FGF7: variants seen among roughly 807,000 people sequenced by gnomAD.
FGF7 encodes fibroblast growth factor 7.
FGF7 carries 6 observed loss-of-function variants against 20.5 expected under a neutral mutation model. The ratio of observed to expected loss-of-function variants is 0.29; its 90% CI spans 0.16 to 0.58. The LOEUF (loss-of-function observed/expected upper bound fraction) is 0.58. FGF7 is among the 20% of genes least tolerant of loss of function. The pLI, the probability that FGF7 is intolerant of heterozygous loss-of-function variation, is 0.90. For missense variants in FGF7, 144 were observed against 228.8 expected (o/e 0.63, Z 2.39); for synonymous variants, 64 against 74.7 (o/e 0.86, Z 0.74).
Position 49,424,384 on chromosome 15 carries a change from T to G in FGF7, c.87T>G (p.Ser29=). ...TTATCTGTCTAGTGGGTACTATATC[T>G]TTAGCTTGCAATGACATGACTCCAG... ...FHIICLVGTI[S]LACNDMTPEQ... is the part of the protein sequence containing the mutation. The change falls in exon 2 of 4, where the codon TCT becomes TCG. Residue 29 remains serine, a synonymous_variant. Transcript: ENST00000267843. The G allele has an allele frequency of 6.2e-7, 1 of 1,613,702 alleles. No homozygotes were observed. Among genetic ancestry groups the G allele is most frequent in the Non-Finnish European group, 8.5e-7 (1 of 1,179,716 alleles).
chr15:49,457,902 C>T (rs1429484902), intron 2 of FGF7, among the ~76,000 whole-genome samples: 1 of 151,832 alleles, frequency 6.6e-6, no homozygotes, highest in Non-Finnish European at 1.5e-5. Flanking sequence ...CTAATTTTAG[C>T]ACAAGTTAAA....
chr15:49,479,910 C>T lies in FGF7; in HGVS notation c.287-3241C>T, dbSNP rs373065506. On this transcript the variant is annotated intron_variant, in intron 2 of 3. Transcript: ENST00000267843. ...ATTACAGGCGTGAGCCACTGCGCTC[C>T]GCCCATAGTTAACACTTCTATAAAT... 1.4e-4 allele frequency among the ~76,000 whole-genome samples: 22 copies of T among 152,106 alleles called. No individual in the cohort carries two copies. The South Asian group carries it at 2.5e-3, about 17-fold the overall frequency.
chr15:49,434,879 A>G lies in FGF7; in HGVS notation c.286+10296A>G, dbSNP rs145967595. On this transcript the variant is annotated intron_variant, in intron 2 of 3. Coordinates refer to ENST00000267843, the MANE Select transcript of FGF7 (RefSeq NM_002009.4). ...AATTAATTAATAAAAAAGAGAACCA[A>G]TTTCTCAAAGTTCATACAATGTTTT... 1.1e-3 allele frequency among the ~76,000 whole-genome samples: 172 copies of G among 151,630 alleles called. 1 individual carries two copies. Among genetic ancestry groups the G allele is most frequent in the African/African-American group, 4.1e-3 (170 of 41,464 alleles).
Position 49,431,097 on chromosome 15 carries a change from A to G in FGF7, c.286+6514A>G, listed in dbSNP as rs184182884. On this transcript the variant is annotated intron_variant, in intron 2 of 3. Coordinates refer to ENST00000267843, the MANE Select transcript of FGF7 (RefSeq NM_002009.4). ...ATACTTTTCCATTTTTAAATTTTAT[A>G]TATCTCACAATAAAATTATGTATAC... 2.0e-3 allele frequency among the ~76,000 whole-genome samples: 307 copies of G among 151,954 alleles called. 4 individuals are homozygous for G. The highest frequency in any genetic ancestry group is 4.3e-3 in the Admixed American group (65 of 15,222).
chr15:49,479,942 G>C (rs1330483830), intron 2 of FGF7, among the ~76,000 whole-genome samples: 1 of 152,090 alleles, frequency 6.6e-6, no homozygotes, highest in Non-Finnish European at 1.5e-5. Flanking sequence ...AAATATTTGT[G>C]CATATTGAAA....
chr15:49,450,293 C>T (rs771015443), intron 2 of FGF7, among the ~76,000 whole-genome samples: 22 of 152,076 alleles, frequency 1.4e-4, no homozygotes, highest in African/African-American at 2.2e-4. Context: ...CCTGTCAATA[C>T]AAGATAACTC....
Position 49,485,512 on chromosome 15 carries a change from C to G in FGF7, c.*1008C>G, listed in dbSNP as rs190085424. 1.3e-5 allele frequency: 2 copies of G among 152,096 alleles called. No homozygotes were observed. The highest frequency in any genetic ancestry group is 2.4e-5 in the African/African-American group (1 of 41,290). 9.4% of individuals were successfully genotyped at this position (152,096 alleles called of 1,614,324 possible). A position where few individuals can be genotyped will look rare whatever the true frequency, so the allele number is the denominator to read the frequency against. ...TAATAAGCTGTATCTGTTTCATATG[C>G]TTTTAATTTTAAAGGAATAACAAAA... On this transcript the variant is annotated 3_prime_UTR_variant, in exon 4 of 4. Coordinates refer to ENST00000267843, the MANE Select transcript of FGF7 (RefSeq NM_002009.4).
chr15:49,468,456 G>A (rs1251410719), intron 2 of FGF7, among the ~76,000 whole-genome samples: 1 of 152,044 alleles, frequency 6.6e-6, no homozygotes, highest in East Asian at 1.9e-4. Flanking sequence ...GTATTCCAAG[G>A]TTCTGACTTA....
At chr15:49,426,185 T>A (rs1239046511) in intron 2 of FGF7, among the ~76,000 whole-genome samples, 2 of 151,894 alleles carry the variant, frequency 1.3e-5, no homozygotes, top group Non-Finnish European at 2.9e-5. Flanking sequence ...CAATTTTTCA[T>A]CTATAAAATG....
intron 2 of FGF7, among the ~76,000 whole-genome samples, chr15:49,478,566 T>C (rs1286918647): frequency 2.0e-5 from 3 of 152,190 alleles, no homozygotes; most frequent in African/African-American, 4.8e-5. Context: ...TCTTTGTTGA[T>C]ACTAGTTCTT....
intron 2 of FGF7, among the ~76,000 whole-genome samples, chr15:49,428,201 G>A (rs2151767947): frequency 6.6e-6 from 1 of 151,938 alleles, no homozygotes; most frequent in Non-Finnish European, 1.5e-5. Context: ...GTGTACTACT[G>A]TTACCCAGGA....
intron 2 of FGF7, 51 bp downstream of exon 2, chr15:49,424,634 C>G: frequency 7.3e-7 from 1 of 1,367,522 alleles, no homozygotes; most frequent in Non-Finnish European, 9.9e-7. Context: ...GTTAATGGAT[C>G]AATTTTCAGG....
At chr15:49,474,591 T>A (rs1486320272) in intron 2 of FGF7, among the ~76,000 whole-genome samples, 1 of 152,134 alleles carries the variant, frequency 6.6e-6, no homozygotes, top group African/African-American at 2.4e-5. Flanking sequence ...TTGAAAATAC[T>A]AGATAGCTAT....
At chr15:49,466,783 T>C (rs1336534395) in intron 2 of FGF7, among the ~76,000 whole-genome samples, 3 of 152,158 alleles carry the variant, frequency 2.0e-5, no homozygotes, top group African/African-American at 7.2e-5. Flanking sequence ...TTGGGGGTCT[T>C]TAACCCTTTT....
chr15:49,431,612 T>C (rs1010569721), intron 2 of FGF7, among the ~76,000 whole-genome samples: 4 of 151,626 alleles, frequency 2.6e-5, no homozygotes, highest in Non-Finnish European at 5.9e-5. Context: ...AAGAAAGTAA[T>C]CTCTTCTACT....
At chr15:49,464,767 T>C (rs935017746) in intron 2 of FGF7, among the ~76,000 whole-genome samples, 3 of 152,106 alleles carry the variant, frequency 2.0e-5, no homozygotes, top group Non-Finnish European at 4.4e-5. Flanking sequence ...ACACATAGTA[T>C]CTCCGTGTAA....
chr15:49,432,882 T>C (rs377364693), intron 2 of FGF7, among the ~76,000 whole-genome samples: 60 of 151,724 alleles, frequency 4.0e-4, no homozygotes, highest in African/African-American at 1.4e-3. Context: ...CCAACAGCTA[T>C]TATTTGGGCC....
In FGF7 at chr15:49,423,896, G is replaced by T. The variant is rs576811781; in HGVS notation, c.-266-136G>T. On this transcript the variant is annotated intron_variant, in intron 1 of 3. Transcript: ENST00000267843. ...AAAGATTTTGACATCCTCTGTGAAG[G>T]CTGTTTTAAATGTATCTTCAAAGAA... 7.8e-4 allele frequency: 125 copies of T among 160,160 alleles called. No homozygotes were observed. The South Asian group carries it at 0.013, about 17-fold the overall frequency. The allele number at this position is 160,160 out of a possible 1,614,324, so 9.9% of individuals were successfully genotyped here.
intron 2 of FGF7, among the ~76,000 whole-genome samples, chr15:49,481,518 T>TAC (rs1398880133): frequency 6.6e-6 from 1 of 152,210 alleles, no homozygotes; most frequent in Admixed American, 6.5e-5. Flanking sequence ...TGTTGAACGT[T>TAC]ACATGAATGC....
Sources: gnomAD v4.1 joint callset for allele counts (sites outside exome capture counted in the v4.1 genomes callset) on GRCh38, gnomAD v4.1.1 for gene constraint, MANE v1.5 for transcripts, NCBI Gene and HGNC (gene_info 2026-07-23, HGNC 2026-07-21) for gene names.